Variants in ZNF292 observed in about 807,000 individuals in gnomAD.
ZNF292 encodes 16 zinc-finger domain protein.
A neutral mutation model predicts 217.9 loss-of-function variants in ZNF292; 26 were observed. The observed-to-expected ratio is 0.12, with a 90% CI of 0.09 to 0.17. ZNF292 has a LOEUF of 0.17. Ranked by LOEUF, ZNF292 falls within the 10% of genes least tolerant of loss-of-function variation. The probability of loss-of-function intolerance (pLI) is 1.00; values close to 1 mark genes in which losing one functional copy is unlikely to be tolerated. For missense variants in ZNF292, 2,904 were observed against 3,175.2 expected (o/e 0.91, Z 2.05); for synonymous variants, 1,257 against 1,124.1 (o/e 1.12, Z -2.37).
At chr6:87,157,083 T>C (rs536850380) in intron 1 of ZNF292, among the ~76,000 whole-genome samples, 1 of 152,366 alleles carries the variant, frequency 6.6e-6, no homozygotes, top group South Asian at 2.1e-4. Flanking sequence ...TGAAATATTT[T>C]CTTTATTATG....
chr6:87,185,821 T>TA (rs1195947831), intron 1 of ZNF292, among the ~76,000 whole-genome samples: 1 of 152,134 alleles, frequency 6.6e-6, no homozygotes, highest in African/African-American at 2.4e-5. Context: ...GCTAATTTAT[T>TA]ATAAAGGATT....
chr6:87,232,749 T>G (rs546146209), intron 4 of ZNF292, among the ~76,000 whole-genome samples: 1 of 123,876 alleles, frequency 8.1e-6, no homozygotes, highest in African/African-American at 3.5e-5. Context: ...GTTTTATCCT[T>G]TGGCAAACTT....
rs1775379324 is a variant in ZNF292 at position 87,258,646 on chromosome 6, G to A, written c.5017G>A (p.Val1673Ile). 1 of 1,613,442 alleles carries A rather than the reference G, an allele frequency of 6.2e-7. No homozygotes were observed. The highest frequency in any genetic ancestry group is 8.5e-7 in the Non-Finnish European group (1 of 1,179,740). ...EIPTTNLHSN[V>I]IPTCEPQSLV... Reference sequence around the variant, plus strand: ...CCCAACTACTAACCTTCATTCAAATGTAATTCCAACTTGTGAACCTCAGAG... The same window carrying A: ...CCCAACTACTAACCTTCATTCAAATATAATTCCAACTTGTGAACCTCAGAG... Residue 1673 changes from valine to isoleucine, a missense_variant, in exon 8 of 8, where the codon GTA (valine) becomes ATA (isoleucine). Around this residue, in one of 15 missense-constraint regions of ZNF292, gnomAD observed 622 missense variants for 573.1 expected, o/e 1.09. Coordinates refer to ENST00000369577, the MANE Select transcript of ZNF292 (RefSeq NM_015021.3).
rs1320024677 is a variant in ZNF292 at position 87,257,286 on chromosome 6, T to G, written c.3657T>G (p.Asp1219Glu). The G allele has an allele frequency of 6.2e-7, 1 of 1,613,664 alleles. No individual in the cohort carries two copies. The highest frequency in any genetic ancestry group is 1.1e-5 in the South Asian group (1 of 91,048). Residue 1219 changes from aspartate to glutamate, a missense_variant, in exon 8 of 8, where the codon GAT becomes GAG. Coordinates refer to ENST00000369577, the MANE Select transcript of ZNF292 (RefSeq NM_015021.3). ...TAAATCCAAATATAACTTCTCAGGA[T>G]AAAAATGAACAAGGTGGTATGTTAT... ...SVINPNITSQ[D>E]KNEQGGMLCS... is the part of the protein sequence containing the mutation.
At chr6:87,236,083 C>G (rs1320159966) in intron 5 of ZNF292, among the ~76,000 whole-genome samples, 1 of 152,236 alleles carries the variant, frequency 6.6e-6, no homozygotes, top group Non-Finnish European at 1.5e-5. Flanking sequence ...TTGTCCCCAA[C>G]CCAGAGACAT....
intron 5 of ZNF292, among the ~76,000 whole-genome samples, chr6:87,240,793 G>A (rs1051750406): frequency 7.9e-5 from 12 of 152,066 alleles, no homozygotes; most frequent in African/African-American, 1.9e-4. Context: ...CAAGAAATAC[G>A]GATTTTTATT....
intron 1 of ZNF292, among the ~76,000 whole-genome samples, chr6:87,179,877 A>T (rs1028974812): frequency 2.6e-5 from 4 of 152,130 alleles, no homozygotes; most frequent in Admixed American, 2.0e-4. Context: ...GATTTTTTTC[A>T]TGCTATCTTT....
At chr6:87,157,442 T>C (rs1770581781) in intron 1 of ZNF292, among the ~76,000 whole-genome samples, 1 of 152,246 alleles carries the variant, frequency 6.6e-6, no homozygotes, top group South Asian at 2.1e-4. Flanking sequence ...ATTTCATTTG[T>C]AAGTCGAATC....
At chr6:87,173,304 T>C (rs1298639530) in intron 1 of ZNF292, 1 of 152,246 alleles carries the variant, frequency 6.6e-6, no homozygotes, top group Non-Finnish European at 1.5e-5. Context: ...ATTCATCCAT[T>C]GTGTATAAGT....
At chr6:87,226,176 T>C (rs1452337459) in intron 4 of ZNF292, among the ~76,000 whole-genome samples, 1 of 152,204 alleles carries the variant, frequency 6.6e-6, no homozygotes, top group African/African-American at 2.4e-5. Flanking sequence ...AGCTTGCCAG[T>C]CCTTTCTTGC....
chr6:87,241,435 T>A (rs929260480), intron 5 of ZNF292, among the ~76,000 whole-genome samples: 16 of 150,162 alleles, frequency 1.1e-4, no homozygotes, highest in African/African-American at 3.9e-4. Flanking sequence ...TTTTTTTTTT[T>A]TTTTGAGACC....
At chr6:87,242,342 T>A (rs567365993) in intron 5 of ZNF292, among the ~76,000 whole-genome samples, 2 of 152,156 alleles carry the variant, frequency 1.3e-5, no homozygotes, top group African/African-American at 2.4e-5. Flanking sequence ...TTTTCTTGTC[T>A]TAGTGTTTTC....
chr6:87,220,959 A>G (rs1773055980), intron 4 of ZNF292, among the ~76,000 whole-genome samples: 1 of 152,238 alleles, frequency 6.6e-6, no homozygotes, highest in Non-Finnish European at 1.5e-5. Context: ...TTTGAAGAGA[A>G]TAATAAGAGC....
rs987913447 is a variant in ZNF292, at chr6:87,188,933, C to T, written c.169-26970C>T. Among the ~76,000 whole-genome samples, 29 of 151,826 alleles carry T rather than the reference C, an allele frequency of 1.9e-4. 1 individual carries two copies. Among genetic ancestry groups the T allele is most frequent in the South Asian group, 4.2e-4 (2 of 4,806 alleles). The stretch of plus-strand genomic sequence containing the variant: ...AAAAAGTCTTTTTCAGGCCAGGCAC[C>T]GTGGCTCTTGCCTGTAATCCCAGCA... On this transcript the variant is annotated intron_variant, in intron 1 of 7. Coordinates refer to ENST00000369577, the MANE Select transcript of ZNF292 (RefSeq NM_015021.3).
At chr6:87,181,098 G>A (rs983997170) in intron 1 of ZNF292, among the ~76,000 whole-genome samples, 13 of 152,114 alleles carry the variant, frequency 8.5e-5, no homozygotes, top group East Asian at 1.9e-4. Context: ...CAGCTTTGCC[G>A]TCTGCAGACG....
At chr6:87,184,069 A>G (rs1176536404) in intron 1 of ZNF292, among the ~76,000 whole-genome samples, 1 of 152,280 alleles carries the variant, frequency 6.6e-6, no homozygotes, top group Non-Finnish European at 1.5e-5. Flanking sequence ...CAGTGTTGTG[A>G]TAATACACTT....
chr6:87,239,007 T>G (rs1447781592), intron 5 of ZNF292, among the ~76,000 whole-genome samples: 1 of 152,186 alleles, frequency 6.6e-6, no homozygotes, highest in East Asian at 1.9e-4. Flanking sequence ...GGTAAGGTCA[T>G]AGATCAACAG....
intron 1 of ZNF292, among the ~76,000 whole-genome samples, chr6:87,168,561 C>T (rs1288669830): frequency 1.3e-5 from 2 of 152,146 alleles, no homozygotes; most frequent in Non-Finnish European, 2.9e-5. Context: ...CCTCTGCCTC[C>T]TGGGTTCAAG....
intron 1 of ZNF292, among the ~76,000 whole-genome samples, chr6:87,159,335 G>A (rs181811700): frequency 1.4e-4 from 22 of 151,976 alleles, no homozygotes; most frequent in Middle Eastern, 3.4e-3. Context: ...TAGAGGATGG[G>A]CATAGTAGAG....
Sources: allele counts gnomAD v4.1 joint callset (sites outside exome capture counted in the v4.1 genomes callset), GRCh38; gene constraint gnomAD v4.1.1; regional missense constraint gnomAD v4.1.1; transcripts MANE v1.5; gene names NCBI Gene and HGNC (gene_info 2026-07-23, HGNC 2026-07-21).